The following HERC4 variants were observed in gnomAD, a reference collection of about 807,000 sequenced individuals.
HERC4 encodes HECT and RLD domain containing E3 ubiquitin protein ligase 4.
In HERC4, 28 loss-of-function variants were observed where a neutral mutation model predicts 124.3. That is an observed-to-expected ratio of 0.23 (90% CI 0.17 to 0.31). The LOEUF (loss-of-function observed/expected upper bound fraction) is 0.31, where lower values mean the gene tolerates loss of function less well. Among genes scored for constraint, HERC4 ranks in the 10% least tolerant of loss-of-function variants. The pLI is 1.00. For synonymous variants in HERC4, 407 were observed against 421.5 expected (o/e 0.97, Z 0.42); for missense variants, 713 against 1,229.3 (o/e 0.58, Z 6.28).
intron 15 of HERC4, 120 bp from the exon 16 acceptor site, chr10:67,966,922 T>G (rs2132451365): frequency 1.6e-6 from 1 of 618,818 alleles, no homozygotes; most frequent in South Asian, 2.6e-5. Context: ...TGGCACAATC[T>G]CAGCTCACTG....
At chr10:68,066,022 C>CATGA (rs1329191866) in intron 3 of HERC4, among the ~76,000 whole-genome samples, 2 of 151,848 alleles carry the variant, frequency 1.3e-5, no homozygotes, top group African/African-American at 2.4e-5. Context: ...GAAGGTCAAC[C>CATGA]ATGAGCTCAT....
intron 1 of HERC4, among the ~76,000 whole-genome samples, chr10:68,074,344 G>C (rs918282694): frequency 5.3e-5 from 8 of 152,056 alleles, no homozygotes; most frequent in African/African-American, 1.2e-4. Flanking sequence ...AGTGCCCAAG[G>C]TGTCCCATTC....
intron 8 of HERC4, among the ~76,000 whole-genome samples, chr10:68,016,482 G>A (rs1280331994): frequency 6.6e-6 from 1 of 152,002 alleles, no homozygotes; most frequent in Non-Finnish European, 1.5e-5. Context: ...CCTCCCAAGT[G>A]GCTGGGACTA....
In HERC4 at chr10:67,959,257, T is replaced by G. The variant is rs949683555; in HGVS notation, c.1927-2281A>C. ...TTGCTACAGCAGAATATTGAAGTAA[T>G]GAGGTAGAAAATACATCTACAATCA... is the stretch of plus-strand genomic sequence containing the variant. On this transcript the variant is annotated intron_variant, in intron 16 of 24. Transcript: ENST00000373700. 5.7e-5 allele frequency: 44 copies of G among 777,818 alleles called. No homozygotes were observed. The Admixed American group carries it at 1.2e-3, about 22-fold the overall frequency. The allele number at this position is 777,818 out of a possible 1,614,324, so 48.2% of individuals were successfully genotyped here. A position where few individuals can be genotyped will look rare whatever the true frequency, so the allele number is the denominator to read the frequency against.
chr10:68,057,084 T>C (rs1194923046), intron 3 of HERC4, among the ~76,000 whole-genome samples: 1 of 152,192 alleles, frequency 6.6e-6, no homozygotes, highest in Non-Finnish European at 1.5e-5. Context: ...CTTAACAGTT[T>C]TATACAATTT....
chr10:67,949,071 G>A (rs1009136145), intron 19 of HERC4, among the ~76,000 whole-genome samples: 1 of 151,822 alleles, frequency 6.6e-6, no homozygotes, highest in African/African-American at 2.4e-5. Flanking sequence ...GGCTAACACA[G>A]TGAAACCCCG....
intron 20 of HERC4, 57 bp downstream of exon 20, chr10:67,940,882 T>C: frequency 7.1e-7 from 1 of 1,409,084 alleles, no homozygotes; most frequent in South Asian, 1.4e-5. Flanking sequence ...TTTCTGTACC[T>C]TCCCCACTTT....
intron 15 of HERC4, among the ~76,000 whole-genome samples, chr10:67,970,568 G>T (rs2035171136): frequency 6.6e-6 from 1 of 151,396 alleles, no homozygotes; most frequent in Non-Finnish European, 1.5e-5. Context: ...CTCCACCCTG[G>T]GTGACAGAGC....
At position 67,992,286 on chromosome 10, in the gene HERC4, G is replaced by A. The variant is rs778334721; in HGVS notation, c.1184C>T (p.Pro395Leu). 3.1e-6 allele frequency: 5 copies of A among 1,613,754 alleles called. No individual in the cohort carries two copies. The highest frequency in any genetic ancestry group is 2.2e-5 in the East Asian group (1 of 44,868). The change falls in exon 11 of 25, where the codon CCG (proline) becomes CTG (leucine). Residue 395 changes from proline to leucine, a missense_variant. Coordinates refer to ENST00000373700, the MANE Select transcript of HERC4 (RefSeq NM_015601.4). Reference sequence around the variant, plus strand: ...ATTCACTGTCCAGATCTGCTTTGTCGGATTGGGACATCTGAAGTCATCTGG... The same window carrying A: ...ATTCACTGTCCAGATCTGCTTTGTCAGATTGGGACATCTGAAGTCATCTGG... ...GPPDDFRCPNPTKQIWTVNEA... is the reference protein window; with the variant it reads ...GPPDDFRCPNLTKQIWTVNEA...
At chr10:68,012,553 A>T (rs1477523488) in intron 9 of HERC4, among the ~76,000 whole-genome samples, 6 of 152,236 alleles carry the variant, frequency 3.9e-5, no homozygotes, top group Non-Finnish European at 7.3e-5. Flanking sequence ...CAGTCAGAAC[A>T]TAAACATTTA....
At chr10:68,060,837 C>A (rs1366666565) in intron 3 of HERC4, among the ~76,000 whole-genome samples, 1 of 151,942 alleles carries the variant, frequency 6.6e-6, no homozygotes, top group Admixed American at 6.6e-5. Context: ...TTAGAAATTA[C>A]ACATATGCTG....
intron 8 of HERC4, among the ~76,000 whole-genome samples, chr10:68,022,111 C>T (rs1254035026): frequency 6.6e-6 from 1 of 152,080 alleles, no homozygotes; most frequent in Non-Finnish European, 1.5e-5. Flanking sequence ...CTAAAAAATA[C>T]TGGTGGAAAG....
chr10:67,997,531 T>A lies in HERC4; in HGVS notation c.1070-4849A>T, dbSNP rs573301524. The stretch of plus-strand genomic sequence containing the variant: ...TATCCACATTTCCTCTCATACTTAT[T>A]TGATTTTTGCCTTCCTGTGATGAGC... On this transcript the variant is annotated intron_variant, in intron 9 of 24. Coordinates refer to ENST00000373700, the MANE Select transcript of HERC4 (RefSeq NM_015601.4). 2.0e-5 allele frequency among the ~76,000 whole-genome samples: 3 copies of A among 152,314 alleles called. No homozygotes were observed. In the South Asian group the frequency reaches 6.2e-4, roughly 32 times the overall value.
intron 8 of HERC4, among the ~76,000 whole-genome samples, chr10:68,018,534 A>G (rs547992332): frequency 3.3e-5 from 5 of 151,750 alleles, no homozygotes; most frequent in Admixed American, 3.3e-4. Context: ...CGTTAAGTAT[A>G]AATAATAGAA....
chr10:67,949,717 T>C (rs1424187351), intron 19 of HERC4, among the ~76,000 whole-genome samples: 2 of 152,044 alleles, frequency 1.3e-5, no homozygotes, highest in Non-Finnish European at 2.9e-5. Flanking sequence ...CACATGGTAA[T>C]CTCTACTAAT....
intron 9 of HERC4, among the ~76,000 whole-genome samples, chr10:67,998,801 C>T (rs1476155930): frequency 6.6e-6 from 1 of 151,954 alleles, no homozygotes; most frequent in Non-Finnish European, 1.5e-5. Flanking sequence ...TGCAATGGTG[C>T]AATCTCAGCT....
intron 8 of HERC4, 110 bp downstream of exon 8, chr10:68,025,436 G>T: frequency 8.2e-7 from 1 of 1,219,716 alleles, no homozygotes; most frequent in Non-Finnish European, 1.1e-6. Context: ...TAGGTATTTG[G>T]GGGCAGAATG....
At chr10:67,992,133 G>A in intron 11 of HERC4, 66 bp downstream of exon 11, 4 of 1,492,882 alleles carry the variant, frequency 2.7e-6, no homozygotes, top group African/African-American at 1.4e-5. Flanking sequence ...CTGGGCTCAG[G>A]CAATCTGCCT....
At chr10:67,991,492 G>C (rs2036549203) in intron 11 of HERC4, among the ~76,000 whole-genome samples, 1 of 152,092 alleles carries the variant, frequency 6.6e-6, no homozygotes, top group Admixed American at 6.5e-5. Context: ...GTATGTTCAT[G>C]TAAAAAGTTT....
Sources: allele counts gnomAD v4.1 joint callset (sites outside exome capture counted in the v4.1 genomes callset), GRCh38; gene constraint gnomAD v4.1.1; transcripts MANE v1.5; gene names NCBI Gene and HGNC (gene_info 2026-07-23, HGNC 2026-07-21).